The following CLVS1 variants were observed in gnomAD, a reference collection of about 807,000 sequenced individuals.
CLVS1 encodes clavesin-1.
Under a neutral mutation model 33.1 loss-of-function variants are expected in CLVS1, and 10 were observed. That is an observed-to-expected ratio of 0.30 (90% confidence interval 0.19 to 0.51). The LOEUF (loss-of-function observed/expected upper bound fraction) is 0.51. Among genes scored for constraint, CLVS1 ranks in the 20% least tolerant of loss-of-function variants. The probability of loss-of-function intolerance (pLI) is 0.97; values close to 1 mark genes in which losing one functional copy is unlikely to be tolerated. For missense variants in CLVS1, 343 were observed against 433.4 expected, an observed-to-expected ratio of 0.79 and a Z score of 1.85; for synonymous variants, 163 against 166.1, an observed-to-expected ratio of 0.98 and a Z score of 0.14.
chr8:61,243,089 C>T (rs1808730793), intron 2 of CLVS1, among the ~76,000 whole-genome samples: 1 of 152,140 alleles, frequency 6.6e-6, no homozygotes, highest in Admixed American at 6.5e-5. Context: ...GTTCTGGGTT[C>T]TGTCATATTG....
intron 2 of CLVS1, among the ~76,000 whole-genome samples, chr8:61,334,068 A>G (rs936022639): frequency 6.6e-6 from 1 of 152,184 alleles, no homozygotes; most frequent in Non-Finnish European, 1.5e-5. Context: ...TCCATAGTGT[A>G]TATGTACCAC....
intron 5 of CLVS1, among the ~76,000 whole-genome samples, chr8:61,485,040 A>G (rs1351328236): frequency 1.3e-5 from 2 of 152,234 alleles, no homozygotes; most frequent in Non-Finnish European, 2.9e-5. Context: ...ATGGGCAAGG[A>G]CTTCTTGACT....
At chr8:61,231,125 G>A (rs1185131354) in intron 2 of CLVS1, among the ~76,000 whole-genome samples, 3 of 152,058 alleles carry the variant, frequency 2.0e-5, no homozygotes, top group Non-Finnish European at 1.5e-5. Context: ...GGGGATGCAC[G>A]ACTCAGGGAG....
intron 2 of CLVS1, among the ~76,000 whole-genome samples, chr8:61,180,019 A>G (rs1160966435): frequency 6.6e-6 from 1 of 152,206 alleles, no homozygotes; most frequent in Non-Finnish European, 1.5e-5. Flanking sequence ...TAGAAACATG[A>G]GAAACCCTCC....
chr8:61,356,301 A>G (rs1812704482), intron 2 of CLVS1, among the ~76,000 whole-genome samples: 1 of 152,084 alleles, frequency 6.6e-6, no homozygotes, highest in Non-Finnish European at 1.5e-5. Context: ...TTCGTTGTAG[A>G]TTCTTGATAT....
At chr8:61,016,104 A>G in the CLVS1 span, among the ~76,000 whole-genome samples, 2 of 152,238 alleles carry the variant, frequency 1.3e-5, no homozygotes, top group Non-Finnish European at 2.9e-5. Context: ...TGTTTCAGGC[A>G]CAAAATTAGT....
intron 3 of CLVS1, among the ~76,000 whole-genome samples, chr8:61,445,859 T>C (rs574167591): frequency 6.6e-6 from 1 of 152,370 alleles, no homozygotes; most frequent in African/African-American, 2.4e-5. Context: ...TATAGGGCTA[T>C]TCAAATTACC....
chr8:61,016,784 G>A, the CLVS1 span, among the ~76,000 whole-genome samples: 3 of 152,202 alleles, frequency 2.0e-5, no homozygotes, highest in Admixed American at 6.5e-5. Context: ...GGCTTGTGGT[G>A]CATATGGGAG....
At chr8:61,267,101 A>C (rs1226208613) in intron 2 of CLVS1, among the ~76,000 whole-genome samples, 1 of 152,118 alleles carries the variant, frequency 6.6e-6, no homozygotes, top group Non-Finnish European at 1.5e-5. Context: ...ATCTCATTTC[A>C]TTTTATTCAC....
At chr8:61,171,346 A>G (rs1302031856) in intron 2 of CLVS1, among the ~76,000 whole-genome samples, 1 of 152,196 alleles carries the variant, frequency 6.6e-6, no homozygotes, top group Non-Finnish European at 1.5e-5. Context: ...GGCCAATTTA[A>G]GTGGATTTTT....
At position 61,432,547 on chromosome 8, in the gene CLVS1, G is replaced by C. The variant is rs1297092531; in HGVS notation, c.631-21594G>C. Among the ~76,000 whole-genome samples the C allele has an allele frequency of 6.6e-5, 10 of 152,204 alleles. 1 individual carries two copies. Among genetic ancestry groups the C allele is most frequent in the Admixed American group, 6.5e-4 (10 of 15,288 alleles). On this transcript the variant is annotated intron_variant, in intron 3 of 5. Coordinates refer to ENST00000325897, the MANE Select transcript of CLVS1 (RefSeq NM_173519.3). Reference sequence around the variant, plus strand: ...CAGACAGCCATCTGCAAGCAAAGGAGAGAGGCCTCGGAAGAAACTGGCCCT... The same window carrying C: ...CAGACAGCCATCTGCAAGCAAAGGACAGAGGCCTCGGAAGAAACTGGCCCT...
chr8:61,091,477 AT>A (rs1479799276), intron 1 of CLVS1, among the ~76,000 whole-genome samples: 5 of 152,206 alleles, frequency 3.3e-5, no homozygotes, highest in Non-Finnish European at 7.3e-5. Context: ...GCTCTTTTAT[AT>A]TCAAAAACTT....
intron 2 of CLVS1, among the ~76,000 whole-genome samples, chr8:61,240,911 T>TTTTTTTTTTTTTTTTTG (rs992684712): frequency 6.6e-6 from 1 of 150,382 alleles, no homozygotes; most frequent in African/African-American, 2.5e-5. Context: ...TTTTTTTTTT[T>TTTTTTTTTTTTTTTTTG]AAAATAGAGA....
intron 5 of CLVS1, among the ~76,000 whole-genome samples, chr8:61,492,379 T>C (rs983843014): frequency 6.6e-6 from 1 of 152,206 alleles, no homozygotes; most frequent in Non-Finnish European, 1.5e-5. Context: ...GGTGTGTACA[T>C]TACCTTTTAC....
intron 5 of CLVS1, among the ~76,000 whole-genome samples, chr8:61,481,977 T>G (rs1028577399): frequency 6.6e-6 from 1 of 152,218 alleles, no homozygotes; most frequent in Admixed American, 6.5e-5. Context: ...CTCATACAGC[T>G]AGGTGCCCCT....
the CLVS1 span, among the ~76,000 whole-genome samples, chr8:61,039,802 A>G: frequency 1.3e-5 from 2 of 152,340 alleles, no homozygotes; most frequent in Admixed American, 6.5e-5. Flanking sequence ...GGCCTCCCAA[A>G]GTACTGAGAT....
Position 61,501,141 on chromosome 8 carries a change from A to C in CLVS1, c.*1599A>C, listed in dbSNP as rs979694391. The C allele has an allele frequency of 2.0e-5, 3 of 152,204 alleles. No homozygotes were observed. Among genetic ancestry groups the C allele is most frequent in the Non-Finnish European group, 4.4e-5 (3 of 68,022 alleles). The allele number at this position is 152,204 out of a possible 1,614,324, so 9.4% of individuals were successfully genotyped here. On this transcript the variant is annotated 3_prime_UTR_variant, in exon 6 of 6. Coordinates refer to ENST00000325897, the MANE Select transcript of CLVS1 (RefSeq NM_173519.3). ...GACATACGAAATCACAAAAATAATA[A>C]CACTGAAATAATTCTACCAATGCAG...
At chr8:61,280,061 A>G (rs1240308078) in intron 2 of CLVS1, among the ~76,000 whole-genome samples, 2 of 152,178 alleles carry the variant, frequency 1.3e-5, no homozygotes, top group African/African-American at 4.8e-5. Context: ...ATAGGGGTAA[A>G]AGAGTACATT....
the CLVS1 span, among the ~76,000 whole-genome samples, chr8:60,989,078 C>T: frequency 0.026 from 3,985 of 152,252 alleles, 78 homozygotes; most frequent in Non-Finnish European, 0.041. Flanking sequence ...CCTATGTTGC[C>T]CAGGCTGGCC....
Sources: allele counts gnomAD v4.1 joint callset (sites outside exome capture counted in the v4.1 genomes callset), GRCh38; gene constraint gnomAD v4.1.1; transcripts MANE v1.5; gene names NCBI Gene and HGNC (gene_info 2026-07-23, HGNC 2026-07-21).